POPDC1: variants seen among roughly 807,000 people sequenced by gnomAD.
The protein encoded by POPDC1 is popeye domain cAMP effector 1.
the POPDC1 span, among the ~76,000 whole-genome samples, chr6:105,105,196 G>T: frequency 6.6e-6 from 1 of 152,166 alleles, no homozygotes; most frequent in East Asian, 1.9e-4. Flanking sequence ...CCAACTCCCT[G>T]TCCTTATAAC....
chr6:105,107,751 A>C, the POPDC1 span, among the ~76,000 whole-genome samples: 6 of 152,224 alleles, frequency 3.9e-5, no homozygotes, highest in Non-Finnish European at 7.3e-5. Flanking sequence ...CAGGAGTTTA[A>C]AATTTAATTA....
the POPDC1 span, among the ~76,000 whole-genome samples, chr6:105,103,354 T>C: frequency 3.3e-5 from 5 of 152,120 alleles, no homozygotes; most frequent in East Asian, 1.9e-4. Flanking sequence ...ATGAGAAAAT[T>C]TGTTAAAATT....
chr6:105,125,624 C>T, the POPDC1 span: 2 of 1,560,148 alleles, frequency 1.3e-6, no homozygotes, highest in Non-Finnish European at 1.8e-6. Context: ...CAGCAGCAAT[C>T]CCAAAACACT....
chr6:105,110,416 A>G, the POPDC1 span, among the ~76,000 whole-genome samples: 348 of 152,298 alleles, frequency 2.3e-3, no homozygotes, highest in African/African-American at 8.1e-3. Context: ...CTCTCTGTAC[A>G]ATTCATGTAA....
the POPDC1 span, among the ~76,000 whole-genome samples, chr6:105,111,873 A>G: frequency 3.9e-5 from 6 of 152,344 alleles, no homozygotes; most frequent in Non-Finnish European, 7.3e-5. Flanking sequence ...TAAAGTTATG[A>G]AGTATATTTG....
At chr6:105,124,688 T>C in the POPDC1 span, 6 of 1,394,582 alleles carry the variant, frequency 4.3e-6, no homozygotes, top group Non-Finnish European at 6.1e-6. Flanking sequence ...ATAAAAGCAA[T>C]ATTTCACAAA....
At chr6:105,136,171 G>C in the POPDC1 span, 1 of 152,208 alleles carries the variant, frequency 6.6e-6, no homozygotes, top group African/African-American at 2.4e-5. Flanking sequence ...CTGAATCTTC[G>C]CACATCTCCC....
chr6:105,104,685 T>G, the POPDC1 span, among the ~76,000 whole-genome samples: 1 of 152,158 alleles, frequency 6.6e-6, no homozygotes, highest in Non-Finnish European at 1.5e-5. Flanking sequence ...GAAATCACTT[T>G]TGTAGAATTG....
chr6:105,114,487 G>A, the POPDC1 span, among the ~76,000 whole-genome samples: 2 of 22,438 alleles, frequency 8.9e-5, no homozygotes, highest in East Asian at 1.4e-3. Flanking sequence ...GGCATACAAA[G>A]TTACAAATCA....
At chr6:105,119,369 G>A in the POPDC1 span, among the ~76,000 whole-genome samples, 1 of 152,100 alleles carries the variant, frequency 6.6e-6, no homozygotes, top group Admixed American at 6.6e-5. Context: ...CCCTCATACA[G>A]AGAAAGGCTG....
chr6:105,124,592 A>G, the POPDC1 span: 1 of 1,612,966 alleles, frequency 6.2e-7, no homozygotes. Flanking sequence ...TAAATTCAGG[A>G]GAATCTATAA....
the POPDC1 span, among the ~76,000 whole-genome samples, chr6:105,123,567 A>AT: frequency 5.3e-3 from 799 of 152,000 alleles, 6 homozygotes; most frequent in African/African-American, 0.018. Context: ...CGCCCAGCTA[A>AT]TTGTTTGTAT....
At chr6:105,104,666 C>G in the POPDC1 span, among the ~76,000 whole-genome samples, 1 of 152,172 alleles carries the variant, frequency 6.6e-6, no homozygotes, top group South Asian at 2.1e-4. Flanking sequence ...TGTAGCATGT[C>G]CCCTGAAGGA....
chr6:105,121,440 G>T, the POPDC1 span, among the ~76,000 whole-genome samples: 1 of 151,834 alleles, frequency 6.6e-6, no homozygotes, highest in Non-Finnish European at 1.5e-5. Flanking sequence ...GCTAATTTTT[G>T]TATTTTTAGT....
chr6:105,115,735 G>C, the POPDC1 span: 4 of 1,614,128 alleles, frequency 2.5e-6, no homozygotes, highest in African/African-American at 4.0e-5. Flanking sequence ...GCAAGCCGTC[G>C]TCACTGTCAC....
the POPDC1 span, chr6:105,115,723 G>A: frequency 5.0e-6 from 8 of 1,613,990 alleles, no homozygotes; most frequent in Middle Eastern, 3.3e-4. Flanking sequence ...GAAGAAACTG[G>A]TGCAAGCCGT....
chr6:105,105,744 AT>A, the POPDC1 span, among the ~76,000 whole-genome samples: 107,277 of 152,132 alleles, frequency 0.71, 41,840 homozygotes, highest in East Asian at 0.87. Flanking sequence ...TTTTTCATTA[AT>A]TTTACGTACT....
the POPDC1 span, among the ~76,000 whole-genome samples, chr6:105,130,362 A>G: frequency 6.6e-6 from 1 of 152,116 alleles, no homozygotes; most frequent in African/African-American, 2.4e-5. Context: ...ATAATTTTTG[A>G]CAAGTGGAAA....
the POPDC1 span, among the ~76,000 whole-genome samples, chr6:105,113,652 A>G: frequency 6.6e-6 from 1 of 152,252 alleles, no homozygotes; most frequent in East Asian, 1.9e-4. Flanking sequence ...AGGGAAGTGC[A>G]GCACCCGACC....
Sources: gnomAD v4.1 joint callset for allele counts (sites outside exome capture counted in the v4.1 genomes callset) on GRCh38, gnomAD v4.1.1 for gene constraint, MANE v1.5 for transcripts, NCBI Gene and HGNC (gene_info 2026-07-23, HGNC 2026-07-21) for gene names.